Variants in BTG3 observed in about 807,000 individuals in gnomAD.
BTG3 encodes the protein protein BTG3.
A neutral mutation model predicts 25.8 loss-of-function variants in BTG3; 4 were observed. That is an observed-to-expected ratio of 0.16 (90% CI 0.08 to 0.36). The LOEUF (loss-of-function observed/expected upper bound fraction) is 0.36, where lower values mean the gene tolerates loss of function less well. Among genes scored for constraint, BTG3 ranks in the 10% least tolerant of loss-of-function variants. The pLI, the probability that BTG3 is intolerant of heterozygous loss-of-function variation, is 1.00. For missense variants in BTG3, 201 were observed against 304.9 expected (o/e 0.66, Z 2.54); for synonymous variants, 107 against 99.9 (o/e 1.07, Z -0.42).
intron 3 of BTG3, among the ~76,000 whole-genome samples, chr21:17,603,569 ATAGT>A (rs1390107447): frequency 6.6e-6 from 1 of 152,210 alleles, no homozygotes; most frequent in African/African-American, 2.4e-5. Context: ...TTAGGAGTAC[ATAGT>A]TAGGGTTCCT....
intron 2 of BTG3, among the ~76,000 whole-genome samples, chr21:17,607,221 A>G (rs2061655626): frequency 6.6e-6 from 1 of 152,180 alleles, no homozygotes. Context: ...GAAATTGTAC[A>G]CTGTCTGACC....
intron 2 of BTG3, chr21:17,605,280 AC>A (rs1224800636): frequency 8.3e-6 from 2 of 241,870 alleles, no homozygotes; most frequent in Non-Finnish European, 1.6e-5. Flanking sequence ...TTAAATGAGC[AC>A]GGAGTATGAA....
chr21:17,612,250 G>T (rs2061739715), intron 1 of BTG3: 2 of 152,184 alleles, frequency 1.3e-5, no homozygotes, highest in African/African-American at 4.8e-5. Flanking sequence ...CGCCTGCCCC[G>T]CGGGTCCGCT....
At chr21:17,595,899 A>C (rs1173760971) in intron 4 of BTG3, among the ~76,000 whole-genome samples, 2 of 152,020 alleles carry the variant, frequency 1.3e-5, no homozygotes, top group Non-Finnish European at 2.9e-5. Flanking sequence ...CATGACTAGC[A>C]AGTTTATGAA....
At chr21:17,604,481 CAG>C (rs2123462970) in intron 3 of BTG3, among the ~76,000 whole-genome samples, 2 of 152,126 alleles carry the variant, frequency 1.3e-5, no homozygotes, top group Non-Finnish European at 2.9e-5. Context: ...TAAACAGAAA[CAG>C]AAACAAACCA....
chr21:17,605,422 ATC>A lies in BTG3; in HGVS notation c.174-427_174-426del, dbSNP rs150381764. ...TTGGAAATGCTTACGACAAATTCTG[ATC>A]TGTCATTAACTTGCTTTTATATCTC... On this transcript the variant is annotated intron_variant, in intron 2 of 4. Transcript: ENST00000348354. Among the ~76,000 whole-genome samples, 963 of 152,330 alleles carry A rather than the reference ATC, an allele frequency of 6.3e-3. 60 individuals carry two copies. The East Asian group carries it at 0.13, about 21-fold the overall frequency.
chr21:17,609,605 C>T (rs947076021), intron 1 of BTG3, among the ~76,000 whole-genome samples: 1 of 152,152 alleles, frequency 6.6e-6, no homozygotes, highest in Non-Finnish European at 1.5e-5. Context: ...CAGAAAAGTT[C>T]GGCAGTTCCT....
chr21:17,612,581 G>C (rs2061748869), intron 1 of BTG3, 118 bp downstream of exon 1: 1 of 151,608 alleles, frequency 6.6e-6, no homozygotes, highest in South Asian at 2.1e-4. Flanking sequence ...CCCCTCCCCT[G>C]TCCCCGGTGC....
intron 1 of BTG3, among the ~76,000 whole-genome samples, chr21:17,611,226 A>G (rs1251636609): frequency 2.0e-5 from 3 of 152,206 alleles, no homozygotes; most frequent in Admixed American, 2.0e-4. Flanking sequence ...GGTTGGGAAG[A>G]AAGTTTTGCT....
intron 3 of BTG3, 123 bp downstream of exon 3, chr21:17,604,737 T>A (rs1412672098): frequency 8.3e-7 from 1 of 1,206,088 alleles, no homozygotes; most frequent in Non-Finnish European, 1.1e-6. Context: ...AAAATTTACA[T>A]CTGAGAGAGT....
At chr21:17,609,229 C>A in intron 1 of BTG3, 77 bp from the exon 2 acceptor site, 1 of 1,348,564 alleles carries the variant, frequency 7.4e-7, no homozygotes, top group Non-Finnish European at 1.0e-6. Flanking sequence ...AGATATACCT[C>A]CTTTACAGCT....
At chr21:17,595,779 G>A (rs974513684) in intron 4 of BTG3, among the ~76,000 whole-genome samples, 10 of 152,018 alleles carry the variant, frequency 6.6e-5, no homozygotes, top group Admixed American at 3.3e-4. Context: ...GCATATTTTC[G>A]TTTCTTTTGG....
In BTG3 at chr21:17,601,565, T is replaced by C. The variant is rs76767151; in HGVS notation, c.312-2741A>G. 3.8e-3 allele frequency among the ~76,000 whole-genome samples: 577 copies of C among 152,280 alleles called. 3 individuals are homozygous for C. The highest frequency in any genetic ancestry group is 0.014 in the African/African-American group (562 of 41,558). Reference sequence around the variant, plus strand: ...AAACAAAAAATAAATTCCTAAACAATTGAGTTCCTCACAACATAAAATTTG... The same window carrying C: ...AAACAAAAAATAAATTCCTAAACAACTGAGTTCCTCACAACATAAAATTTG... On this transcript the variant is annotated intron_variant, in intron 3 of 4. Coordinates refer to ENST00000348354, the MANE Select transcript of BTG3 (RefSeq NM_006806.5).
chr21:17,604,148 A>C, intron 3 of BTG3: 1 of 1,282,688 alleles, frequency 7.8e-7, no homozygotes, highest in Non-Finnish European at 1.0e-6. Flanking sequence ...CACTTACATA[A>C]TCAAAAAGGA....
intron 3 of BTG3, among the ~76,000 whole-genome samples, chr21:17,603,957 ATG>A (rs2061604636): frequency 6.6e-6 from 1 of 152,232 alleles, no homozygotes; most frequent in Non-Finnish European, 1.5e-5. Flanking sequence ...TAAAAGCAGA[ATG>A]TTGCTTTCGT....
intron 3 of BTG3, among the ~76,000 whole-genome samples, chr21:17,600,255 T>C (rs776382981): frequency 6.6e-5 from 10 of 152,072 alleles, no homozygotes; most frequent in Non-Finnish European, 1.3e-4. Context: ...GATTGCACAG[T>C]GTCAACACTA....
intron 4 of BTG3, 52 bp from the exon 5 acceptor site, chr21:17,594,384 A>G (rs567409990): frequency 1.3e-6 from 2 of 1,551,214 alleles, no homozygotes; most frequent in Admixed American, 1.9e-5. Flanking sequence ...ATCATCATCT[A>G]TGTTCCAGAT....
intron 3 of BTG3, among the ~76,000 whole-genome samples, chr21:17,603,491 C>G (rs751163161): frequency 1.1e-4 from 17 of 152,156 alleles, no homozygotes; most frequent in Non-Finnish European, 1.8e-4. Context: ...GAAGAATAAT[C>G]ATGTAATTCA....
intron 3 of BTG3, among the ~76,000 whole-genome samples, chr21:17,599,444 T>G (rs2061544005): frequency 6.7e-6 from 1 of 149,498 alleles, no homozygotes; most frequent in Non-Finnish European, 1.5e-5. Flanking sequence ...CTACCCAAAG[T>G]GCTAGAATTA....
Sources: allele counts gnomAD v4.1 joint callset (sites outside exome capture counted in the v4.1 genomes callset), GRCh38; gene constraint gnomAD v4.1.1; transcripts MANE v1.5; gene names NCBI Gene and HGNC (gene_info 2026-07-23, HGNC 2026-07-21).